NLRC4: variants seen among roughly 807,000 people sequenced by gnomAD.
NLRC4 encodes NLR family CARD domain-containing protein 4.
A neutral mutation model predicts 79.9 loss-of-function variants in NLRC4; 63 were observed. The ratio of observed to expected loss-of-function variants is 0.79; its 90% CI spans 0.64 to 0.97. The LOEUF is 0.97. Among genes scored for constraint, NLRC4 ranks in the 50% least tolerant of loss-of-function variants. The probability of loss-of-function intolerance (pLI) is 0.00; values close to 1 mark genes in which losing one functional copy is unlikely to be tolerated. For synonymous variants in NLRC4, 461 were observed against 456.5 expected (o/e 1.01, Z -0.12); for missense variants, 1,074 against 1,215.2 (o/e 0.88, Z 1.73).
intron 1 of NLRC4, among the ~76,000 whole-genome samples, chr2:32,259,914 A>T (rs928771639): frequency 3.3e-5 from 5 of 152,148 alleles, no homozygotes; most frequent in African/African-American, 9.7e-5. Flanking sequence ...ATTGCTTAGT[A>T]GTATTGTACT....
At position 32,235,526 on chromosome 2, in the gene NLRC4, A is replaced by C. The variant is rs1312985006; in HGVS notation, c.2657T>G (p.Leu886Arg). The C allele has an allele frequency of 1.4e-5, 22 of 1,614,200 alleles. No homozygotes were observed. The highest frequency in any genetic ancestry group is 1.9e-5 in the Non-Finnish European group (22 of 1,180,034). ...NVLEQLTALM[L>R]PWGCDVQGSL... Reference sequence around the variant, plus strand: ...GCCTTGCACGTCACAGCCCCAGGGCAGCATCAGTGCGGTGAGCTGTTCTAG... The same window carrying C: ...GCCTTGCACGTCACAGCCCCAGGGCCGCATCAGTGCGGTGAGCTGTTCTAG... Residue 886 changes from leucine to arginine, a missense_variant, in exon 8 of 9, where the codon CTG becomes CGG. By Grantham distance (102) the Leu-to-Arg change is moderately radical (BLOSUM62 -2). Coordinates refer to ENST00000402280, the MANE Select transcript of NLRC4 (RefSeq NM_001199138.2).
intron 4 of NLRC4, among the ~76,000 whole-genome samples, chr2:32,248,885 A>G (rs1687000803): frequency 6.6e-6 from 1 of 152,238 alleles, no homozygotes; most frequent in Non-Finnish European, 1.5e-5. Flanking sequence ...GTGAATATTA[A>G]ACAATTCGCA....
Position 32,241,108 on chromosome 2 carries a change from A to G in NLRC4, c.2275T>C (p.Leu759=). The G allele has an allele frequency of 1.9e-6, 3 of 1,606,634 alleles. No individual in the cohort carries two copies. Among genetic ancestry groups the G allele is most frequent in the Non-Finnish European group, 2.6e-6 (3 of 1,175,320 alleles). Residue 759 remains leucine, a synonymous_variant, in exon 5 of 9, where the codon TTG becomes CTG. Transcript: ENST00000402280. Reference sequence around the variant, plus strand: ...TTTGTAAGGTTCTTCAAGTTACCCAAGCTGTCAGTCAGACCACCTGTCAAA... The same window carrying G: ...TTTGTAAGGTTCTTCAAGTTACCCAGGCTGTCAGTCAGACCACCTGTCAAA... ...QRLPGGLTDS[L]GNLKNLTKLI...
intron 4 of NLRC4, among the ~76,000 whole-genome samples, chr2:32,245,955 G>A (rs1178077364): frequency 1.3e-5 from 2 of 151,962 alleles, no homozygotes; most frequent in South Asian, 2.1e-4. Flanking sequence ...AGGCCGAGGC[G>A]GGTGGATCAC....
intron 7 of NLRC4, 115 bp from the exon 8 acceptor site, chr2:32,235,683 C>G (rs1686657055): frequency 2.5e-6 from 2 of 808,958 alleles, no homozygotes; most frequent in South Asian, 2.0e-5. Context: ...CCTACTCAAT[C>G]TGTAATGAGA....
intron 1 of NLRC4, among the ~76,000 whole-genome samples, chr2:32,260,228 A>AC (rs1687311049): frequency 6.6e-6 from 1 of 151,314 alleles, no homozygotes; most frequent in South Asian, 2.1e-4. Context: ...AAAAAAAAAA[A>AC]AAAAACAACG....
At chr2:32,231,513 AT>A (rs1356432698) in intron 8 of NLRC4, among the ~76,000 whole-genome samples, 9 of 123,772 alleles carry the variant, frequency 7.3e-5, no homozygotes, top group African/African-American at 1.9e-4. Context: ...GTGATCTGCA[AT>A]TTTTTTTTCA....
intron 1 of NLRC4, among the ~76,000 whole-genome samples, chr2:32,258,301 T>G (rs1331526339): frequency 6.6e-6 from 1 of 152,124 alleles, no homozygotes; most frequent in Non-Finnish European, 1.5e-5. Flanking sequence ...CTTCCGCCGA[T>G]GTGTTCCTCT....
chr2:32,236,598 C>G (rs1686678911), intron 6 of NLRC4, among the ~76,000 whole-genome samples: 1 of 152,168 alleles, frequency 6.6e-6, no homozygotes, highest in African/African-American at 2.4e-5. Context: ...GAACCTAAAG[C>G]AGCATGGGAT....
rs776672791 is a variant in NLRC4 at position 32,250,332 on chromosome 2, G to C, written c.1532C>G (p.Ala511Gly). 1 of 1,614,186 alleles carries C rather than the reference G, an allele frequency of 6.2e-7. No individual in the cohort carries two copies. The highest frequency in any genetic ancestry group is 1.1e-5 in the South Asian group (1 of 91,086). The change falls in exon 4 of 9, where the codon GCA becomes GGA. Residue 511 changes from alanine to glycine, a missense_variant. Coordinates refer to ENST00000402280, the MANE Select transcript of NLRC4 (RefSeq NM_001199138.2). This position sits in a 1 kb window ranked among gnomAD's most constrained non-coding sequence, Gnocchi z 4.9. Reference protein sequence around the residue: ...ATRAVMKHLAAVYQHGCLLGL... With the variant: ...ATRAVMKHLAGVYQHGCLLGL... Reference sequence around the variant, plus strand: ...GAGAAGGCAGCCGTGTTGATACACTGCTGCGAGGTGCTTCATAACAGCCCT... The same window carrying C: ...GAGAAGGCAGCCGTGTTGATACACTCCTGCGAGGTGCTTCATAACAGCCCT...
intron 8 of NLRC4, among the ~76,000 whole-genome samples, chr2:32,233,735 T>A (rs939716872): frequency 2.0e-5 from 3 of 152,200 alleles, no homozygotes; most frequent in Non-Finnish European, 4.4e-5. Flanking sequence ...ATAATCCATG[T>A]GCTGAGGAGA....
Position 32,233,320 on chromosome 2 carries a change from AATAT to A in NLRC4, c.2782+2077_2782+2080del, listed in dbSNP as rs1257781417. The stretch of plus-strand genomic sequence containing the variant: ...TTTTCATTTGTCTTAAGAAATTTTA[AATAT>A]ATATATATATATATATATATATATA... On this transcript the variant is annotated intron_variant, in intron 8 of 8. Transcript: ENST00000402280. Among the ~76,000 whole-genome samples, 215 of 67,192 alleles carry A rather than the reference AATAT, an allele frequency of 3.2e-3. 5 individuals carry two copies. Among genetic ancestry groups the A allele is most frequent in the African/African-American group, 5.0e-3 (73 of 14,678 alleles). The allele number at this position is 67,192 out of a possible 152,430, so 44.1% of individuals were successfully genotyped here.
At chr2:32,233,671 T>G (rs1320575952) in intron 8 of NLRC4, among the ~76,000 whole-genome samples, 2 of 152,134 alleles carry the variant, frequency 1.3e-5, no homozygotes, top group African/African-American at 4.8e-5. Context: ...ATTTCAATTT[T>G]GGGGGATTTT....
intron 8 of NLRC4, among the ~76,000 whole-genome samples, chr2:32,228,284 C>T (rs1686450528): frequency 6.6e-6 from 1 of 152,052 alleles, no homozygotes. Context: ...CTTATATGCT[C>T]CAGGAGGAAG....
chr2:32,262,460 C>T (rs557440954), intron 1 of NLRC4, among the ~76,000 whole-genome samples: 1 of 152,230 alleles, frequency 6.6e-6, no homozygotes, highest in South Asian at 2.1e-4. Flanking sequence ...TAATTTTTCT[C>T]AGTTACCCAC....
chr2:32,241,042 T>C lies in NLRC4; in HGVS notation c.2341A>G (p.Ile781Val). ...DNIKMNEEDAIKLAEGLKNLK... is the reference protein window; with the variant it reads ...DNIKMNEEDAVKLAEGLKNLK... ...AGAACAGAAATCTGACCTAGTTTTA[T>C]AGCATCTTCTTCATTCATCTTTATG... Residue 781 changes from isoleucine to valine, a missense_variant, in exon 5 of 9, where the codon ATA becomes GTA. Ile to Val is a conservative substitution (Grantham distance 29). Coordinates refer to ENST00000402280, the MANE Select transcript of NLRC4 (RefSeq NM_001199138.2). 1.3e-6 allele frequency: 2 copies of C among 1,585,242 alleles called. No homozygotes were observed. The highest frequency in any genetic ancestry group is 1.1e-5 in the South Asian group (1 of 90,262).
rs191516482 is a variant in NLRC4, at chr2:32,242,823, G to A, written c.2258-1698C>T. 7.9e-3 allele frequency among the ~76,000 whole-genome samples: 1,197 copies of A among 152,290 alleles called. 18 individuals are homozygous for A. The highest frequency in any genetic ancestry group is 0.012 in the Non-Finnish European group (803 of 68,010). ...GTGCTTTGGGGGGCAGAGGTAGGAG[G>A]ATCACTTGAGGCCAGGAGTTTGAGA... On this transcript the variant is annotated intron_variant, in intron 4 of 8. Transcript: ENST00000402280.
chr2:32,259,262 A>ATTTTTTTTTTTTTTTGTTTTTTTT (rs1687281266), intron 1 of NLRC4, among the ~76,000 whole-genome samples: 1 of 52,878 alleles, frequency 1.9e-5, no homozygotes, highest in African/African-American at 9.4e-5. Context: ...TGCCTGGCTA[A>ATTTTTTTTTTTTTTTGTTTTTTTT]TTTTTTTTTT....
At chr2:32,235,328 A>G (rs1023092803) in intron 8 of NLRC4, 73 bp downstream of exon 8, 27 of 1,119,588 alleles carry the variant, frequency 2.4e-5, no homozygotes, top group Middle Eastern at 4.1e-4. Context: ...AAGGGGGCAA[A>G]ATAAGCAAAG....
Sources: gnomAD v4.1 joint callset for allele counts (sites outside exome capture counted in the v4.1 genomes callset) on GRCh38, gnomAD v4.1.1 for gene constraint, Gnocchi (gnomAD v3.1) non-coding constraint, MANE v1.5 for transcripts, NCBI Gene and HGNC (gene_info 2026-07-23, HGNC 2026-07-21) for gene names.